The following ZNF362 variants were observed in gnomAD, a reference collection of about 807,000 sequenced individuals.
The protein encoded by ZNF362 is rotund homolog.
ZNF362 carries 11 observed loss-of-function variants against 42.9 expected under a neutral mutation model. That is an observed-to-expected ratio of 0.26 (90% CI 0.16 to 0.42). The LOEUF (loss-of-function observed/expected upper bound fraction) is 0.42, where lower values mean the gene tolerates loss of function less well. ZNF362 is among the 20% of genes least tolerant of loss of function. ZNF362 has a pLI of 1.00. For missense variants in ZNF362, 362 were observed against 576.2 expected (o/e 0.63, Z 3.81); for synonymous variants, 255 against 257.3 (o/e 0.99, Z 0.09).
the ZNF362 span, among the ~76,000 whole-genome samples, chr1:33,150,653 GA>G: frequency 6.6e-6 from 1 of 152,218 alleles, no homozygotes; most frequent in Non-Finnish European, 1.5e-5. Flanking sequence ...CCTGTGGTCT[GA>G]CTGGCCACAG....
At chr1:33,291,207 T>G (rs1362671101) in intron 6 of ZNF362, among the ~76,000 whole-genome samples, 3 of 152,034 alleles carry the variant, frequency 2.0e-5, no homozygotes, top group African/African-American at 7.2e-5. Flanking sequence ...GGTCTAACAT[T>G]TAAGTCTTTA....
chr1:33,246,176 A>G, the ZNF362 span, among the ~76,000 whole-genome samples: 2 of 152,160 alleles, frequency 1.3e-5, no homozygotes, highest in Non-Finnish European at 2.9e-5. Context: ...CAGTCCCAGG[A>G]AGTGAATACA....
chr1:33,129,569 T>C, the ZNF362 span, among the ~76,000 whole-genome samples: 1 of 152,194 alleles, frequency 6.6e-6, no homozygotes, highest in Admixed American at 6.5e-5. The surrounding 1 kb of genome is among the most constrained non-coding windows in gnomAD (Gnocchi z 4.1). Context: ...CTCATAAATA[T>C]ATATAGTCTT....
At position 33,280,567 on chromosome 1, in the gene ZNF362, G is replaced by A; in HGVS notation, c.683+110G>A. On this transcript the variant is annotated intron_variant, in intron 5 of 8. Coordinates refer to ENST00000539719, the MANE Select transcript of ZNF362 (RefSeq NM_152493.3). The surrounding 1 kb of genome is among the most constrained non-coding windows in gnomAD (Gnocchi z 5.6). Reference sequence around the variant, plus strand: ...TGAAACAGGACCCTTAGGGCTGAGGGGCAGGGCTAGGGTCCAGAGGGGCGG... The same window carrying A: ...TGAAACAGGACCCTTAGGGCTGAGGAGCAGGGCTAGGGTCCAGAGGGGCGG... The A allele has an allele frequency of 6.9e-7, 1 of 1,447,604 alleles. No individual in the cohort carries two copies. Among genetic ancestry groups the A allele is most frequent in the Non-Finnish European group, 9.1e-7 (1 of 1,097,514 alleles). The allele number at this position is 1,447,604 out of a possible 1,614,324, so 89.7% of individuals were successfully genotyped here.
the ZNF362 span, chr1:33,195,689 A>G: frequency 6.6e-6 from 1 of 152,102 alleles, no homozygotes; most frequent in African/African-American, 2.4e-5. Flanking sequence ...AAAGTATGGT[A>G]TATTTCTATA....
At chr1:33,172,954 T>C in the ZNF362 span, among the ~76,000 whole-genome samples, 1 of 152,350 alleles carries the variant, frequency 6.6e-6, no homozygotes, top group Non-Finnish European at 1.5e-5. Context: ...ATGGCACCTA[T>C]GACACGGCCC....
the ZNF362 span, among the ~76,000 whole-genome samples, chr1:33,238,033 T>C: frequency 7.9e-5 from 12 of 152,230 alleles, no homozygotes; most frequent in African/African-American, 2.9e-4. Flanking sequence ...TTAAAAAAAA[T>C]TGTGACTGGG....
chr1:33,286,842 T>C (rs1488768833), intron 6 of ZNF362, among the ~76,000 whole-genome samples: 1 of 152,200 alleles, frequency 6.6e-6, no homozygotes, highest in East Asian at 1.9e-4. Context: ...CAAATCCATC[T>C]TCCCAATGTT....
intron 6 of ZNF362, among the ~76,000 whole-genome samples, chr1:33,284,160 G>C (rs1417004276): frequency 6.6e-6 from 1 of 152,192 alleles, no homozygotes. Flanking sequence ...CAGTGTTTCT[G>C]AACAAGCAGA....
the ZNF362 span, among the ~76,000 whole-genome samples, chr1:33,211,863 C>T: frequency 6.6e-6 from 1 of 152,162 alleles, no homozygotes; most frequent in Non-Finnish European, 1.5e-5. Flanking sequence ...CCATCACTTT[C>T]AGGTACACCA....
At chr1:33,238,035 G>A in the ZNF362 span, among the ~76,000 whole-genome samples, 6 of 152,218 alleles carry the variant, frequency 3.9e-5, no homozygotes, top group East Asian at 1.2e-3. Context: ...AAAAAAAATT[G>A]TGACTGGGTG....
chr1:33,242,834 T>C, the ZNF362 span, among the ~76,000 whole-genome samples: 1 of 152,324 alleles, frequency 6.6e-6, no homozygotes, highest in African/African-American at 2.4e-5. Context: ...TCATAAATCC[T>C]GTTTTGGACA....
chr1:33,236,550 A>AAAAAAAAATAT, the ZNF362 span, among the ~76,000 whole-genome samples: 4 of 5,974 alleles, frequency 6.7e-4, no homozygotes, highest in African/African-American at 1.2e-3. Flanking sequence ...AAAAAAAAAA[A>AAAAAAAAATAT]ATATATATAT....
chr1:33,169,039 A>G, the ZNF362 span, among the ~76,000 whole-genome samples: 1 of 152,072 alleles, frequency 6.6e-6, no homozygotes, highest in African/African-American at 2.4e-5. Context: ...CAGAACACTC[A>G]TTTGCCCATT....
intron 6 of ZNF362, among the ~76,000 whole-genome samples, chr1:33,289,323 T>A (rs1646057755): frequency 6.6e-6 from 1 of 152,070 alleles, no homozygotes; most frequent in East Asian, 1.9e-4. Flanking sequence ...TGAAGGGCCT[T>A]GCAAGCTGGG....
chr1:33,159,143 C>T, the ZNF362 span, among the ~76,000 whole-genome samples: 4 of 151,944 alleles, frequency 2.6e-5, no homozygotes, highest in Admixed American at 2.0e-4. The surrounding 1 kb of genome is among the most constrained non-coding windows in gnomAD (Gnocchi z 4.2). Flanking sequence ...CCGTGCCCAG[C>T]AGGAGCCTCA....
chr1:33,295,659 G>A (rs1342057029), intron 8 of ZNF362, among the ~76,000 whole-genome samples: 1 of 152,170 alleles, frequency 6.6e-6, no homozygotes, highest in Non-Finnish European at 1.5e-5. Flanking sequence ...CCCCATTGTG[G>A]CCACAAGGTG....
the ZNF362 span, among the ~76,000 whole-genome samples, chr1:33,138,992 T>C: frequency 6.6e-6 from 1 of 152,224 alleles, no homozygotes; most frequent in Non-Finnish European, 1.5e-5. Context: ...TGTTTATGTG[T>C]AAGCAAAAAT....
At chr1:33,274,450 C>G (rs1210544004) in intron 2 of ZNF362, among the ~76,000 whole-genome samples, 1 of 152,204 alleles carries the variant, frequency 6.6e-6, no homozygotes, top group African/African-American at 2.4e-5. Context: ...AAGGATATGT[C>G]CCAGGGGTCT....
Sources: gnomAD v4.1 joint callset for allele counts (sites outside exome capture counted in the v4.1 genomes callset) on GRCh38, gnomAD v4.1.1 for gene constraint, Gnocchi (gnomAD v3.1) non-coding constraint, MANE v1.5 for transcripts, NCBI Gene and HGNC (gene_info 2026-07-23, HGNC 2026-07-21) for gene names.